Variants in ARB2A observed in about 807,000 individuals in gnomAD.
ARB2A encodes the protein cotranscriptional regulator ARB2A.
At chr5:93,992,318 A>G in the ARB2A span, among the ~76,000 whole-genome samples, 1 of 152,058 alleles carries the variant, frequency 6.6e-6, no homozygotes, top group Non-Finnish European at 1.5e-5. Context: ...AGATATAGAG[A>G]GAAGTAGAAA....
the ARB2A span, among the ~76,000 whole-genome samples, chr5:94,032,613 G>A: frequency 6.6e-6 from 1 of 152,132 alleles, no homozygotes; most frequent in African/African-American, 2.4e-5. Flanking sequence ...ACAGGCTCAA[G>A]CACACAACCC....
chr5:93,994,433 T>C, the ARB2A span, among the ~76,000 whole-genome samples: 1 of 152,298 alleles, frequency 6.6e-6, no homozygotes, highest in South Asian at 2.1e-4. Context: ...AAATACTGTA[T>C]GATTTCACTT....
chr5:93,672,106 C>T, the ARB2A span, among the ~76,000 whole-genome samples: 1 of 152,096 alleles, frequency 6.6e-6, no homozygotes, highest in Non-Finnish European at 1.5e-5. Context: ...GTATTGTTAT[C>T]AATTATCAGT....
chr5:93,935,616 G>A, the ARB2A span, among the ~76,000 whole-genome samples: 1 of 152,118 alleles, frequency 6.6e-6, no homozygotes, highest in African/African-American at 2.4e-5. Context: ...CATTGTTCAA[G>A]GTAAACGGCA....
chr5:93,796,464 T>C, the ARB2A span, among the ~76,000 whole-genome samples: 3 of 152,158 alleles, frequency 2.0e-5, no homozygotes, highest in African/African-American at 7.2e-5. Context: ...CTGTGGGTTA[T>C]TACAGCTGCC....
the ARB2A span, among the ~76,000 whole-genome samples, chr5:94,034,329 A>G: frequency 1.3e-5 from 2 of 152,158 alleles, no homozygotes; most frequent in Non-Finnish European, 2.9e-5. Flanking sequence ...TTTTTGAGGA[A>G]CATGTTTAGA....
chr5:94,013,077 C>A, the ARB2A span, among the ~76,000 whole-genome samples: 1 of 151,758 alleles, frequency 6.6e-6, no homozygotes, highest in Non-Finnish European at 1.5e-5. Context: ...GTGACACAAG[C>A]AAACTCGTTT....
At chr5:94,086,120 A>G in the ARB2A span, among the ~76,000 whole-genome samples, 1 of 152,222 alleles carries the variant, frequency 6.6e-6, no homozygotes, top group Non-Finnish European at 1.5e-5. Context: ...TGTTAATTAT[A>G]TTATACTATA....
chr5:93,787,635 A>G, the ARB2A span, among the ~76,000 whole-genome samples: 2 of 152,162 alleles, frequency 1.3e-5, no homozygotes, highest in African/African-American at 4.8e-5. Flanking sequence ...GACCTTGGAT[A>G]TATGTCATGT....
At chr5:93,686,200 G>A in the ARB2A span, among the ~76,000 whole-genome samples, 14 of 152,236 alleles carry the variant, frequency 9.2e-5, no homozygotes, top group East Asian at 2.7e-3. Context: ...CTGGGGATGA[G>A]TCTCTCAAAA....
the ARB2A span, among the ~76,000 whole-genome samples, chr5:94,109,009 G>A: frequency 6.6e-6 from 1 of 152,052 alleles, no homozygotes; most frequent in Admixed American, 6.6e-5. Flanking sequence ...AATAACCAAA[G>A]GATGGAAACA....
the ARB2A span, among the ~76,000 whole-genome samples, chr5:93,672,785 T>C: frequency 6.6e-6 from 1 of 152,178 alleles, no homozygotes; most frequent in East Asian, 1.9e-4. Flanking sequence ...AAAATTATGG[T>C]TTACAAATAT....
the ARB2A span, among the ~76,000 whole-genome samples, chr5:93,847,941 G>A: frequency 5.3e-5 from 8 of 152,018 alleles, no homozygotes; most frequent in Non-Finnish European, 8.8e-5. Context: ...AAAGGCCTGC[G>A]GTTTTAACTT....
At chr5:93,786,956 T>C in the ARB2A span, among the ~76,000 whole-genome samples, 1 of 152,166 alleles carries the variant, frequency 6.6e-6, no homozygotes, top group Non-Finnish European at 1.5e-5. Context: ...CAGAAGACCA[T>C]AATAGTCTGG....
the ARB2A span, among the ~76,000 whole-genome samples, chr5:93,998,008 C>G: frequency 6.6e-6 from 1 of 151,796 alleles, no homozygotes; most frequent in Admixed American, 6.6e-5. Flanking sequence ...TACACACACA[C>G]ACACACACAG....
At chr5:93,937,078 T>G in the ARB2A span, among the ~76,000 whole-genome samples, 1 of 151,750 alleles carries the variant, frequency 6.6e-6, no homozygotes, top group Non-Finnish European at 1.5e-5. Context: ...TTTCACTGTG[T>G]CAGCCAGGAT....
the ARB2A span, among the ~76,000 whole-genome samples, chr5:93,721,141 T>C: frequency 6.6e-6 from 1 of 152,118 alleles, no homozygotes; most frequent in East Asian, 1.9e-4. Flanking sequence ...AGTTTTTAAT[T>C]TGATAGGTTT....
chr5:94,058,085 C>T, the ARB2A span, among the ~76,000 whole-genome samples: 1 of 152,072 alleles, frequency 6.6e-6, no homozygotes, highest in East Asian at 1.9e-4. Context: ...CTTAAGTACA[C>T]ACAGAGCTGC....
chr5:94,029,784 T>C, the ARB2A span, among the ~76,000 whole-genome samples: 1 of 152,250 alleles, frequency 6.6e-6, no homozygotes, highest in African/African-American at 2.4e-5. Context: ...AAGGAATTAG[T>C]GTCCATTAGT....
Sources: allele counts gnomAD v4.1 joint callset (sites outside exome capture counted in the v4.1 genomes callset), GRCh38; gene constraint gnomAD v4.1.1; transcripts MANE v1.5; gene names NCBI Gene and HGNC (gene_info 2026-07-23, HGNC 2026-07-21).